Variants in COL2A1 observed in about 807,000 individuals in gnomAD.
COL2A1 encodes the protein collagen alpha-1(II) chain.
COL2A1 carries 28 observed loss-of-function variants against 204.5 expected under a neutral mutation model. The observed-to-expected ratio is 0.14, with a 90% CI of 0.10 to 0.19. COL2A1 has a LOEUF of 0.19. COL2A1 is among the 10% of genes least tolerant of loss of function. The probability of loss-of-function intolerance (pLI) is 1.00; values close to 1 mark genes in which losing one functional copy is unlikely to be tolerated. For missense variants in COL2A1, 1,388 were observed against 2,027.5 expected, an observed-to-expected ratio of 0.68 and a Z score of 6.06; for synonymous variants, 708 against 718.7, an observed-to-expected ratio of 0.99 and a Z score of 0.24.
chr12:47,974,549 T>G, intron 52 of COL2A1, 126 bp downstream of exon 52: 2 of 1,286,658 alleles, frequency 1.6e-6, no homozygotes, highest in South Asian at 2.4e-5. Flanking sequence ...CCTCTTTCCC[T>G]CCTCTCAAGC....
chr12:47,979,955 T>TG (rs1938951377), intron 40 of COL2A1, 54 bp downstream of exon 40: 1 of 1,484,552 alleles, frequency 6.7e-7, no homozygotes, highest in Admixed American at 2.0e-5. Context: ...TGGGAGCCTC[T>TG]GGGGCCAGGC....
intron 53 of COL2A1, 149 bp from the exon 54 acceptor site, chr12:47,973,702 G>T: frequency 1.1e-6 from 1 of 922,676 alleles, no homozygotes. Context: ...CCTCTTCTTG[G>T]CTTGCCAAAG....
In COL2A1 at chr12:47,976,721, G is replaced by A. The variant is rs752309846; in HGVS notation, c.3435+91C>T. 7.2e-7 allele frequency: 1 copy of A among 1,392,326 alleles called. No individual in the cohort carries two copies. Among genetic ancestry groups the A allele is most frequent in the Non-Finnish European group, 1.0e-6 (1 of 993,554 alleles). 86.2% of individuals were successfully genotyped at this position (1,392,326 alleles called of 1,614,324 possible). ...GGAAATCCTAGAAACTGCTTAGGGT[G>A]ATCCCAAGCTGTCCTGGCAGCACAG... On this transcript the variant is annotated intron_variant, in intron 48 of 53. Coordinates refer to ENST00000380518, the MANE Select transcript of COL2A1 (RefSeq NM_001844.5). The surrounding 1 kb of genome is among the most constrained non-coding windows in gnomAD (Gnocchi z 4.3).
At chr12:47,977,572 A>G in intron 45 of COL2A1, 28 bp downstream of exon 45, 1 of 1,613,362 alleles carries the variant, frequency 6.2e-7, no homozygotes, top group Non-Finnish European at 8.5e-7. Flanking sequence ...TCCCCAACCC[A>G]CTGCACACAC....
In COL2A1 at chr12:47,982,108, C is replaced by T. The variant is rs759073173; in HGVS notation, c.2354G>A (p.Arg785Gln). 4.3e-6 allele frequency: 7 copies of T among 1,613,862 alleles called. No homozygotes were observed. In the East Asian group the frequency reaches 6.7e-5, roughly 15 times the overall value. Residue 785 changes from arginine (R) to glutamine (Q), a missense_variant and splice_region_variant, in exon 35 of 54, where the codon CGA becomes CAA. Arg to Gln is a conservative substitution (Grantham distance 43). Transcript: ENST00000380518. Reference sequence around the variant, plus strand: ...GTCCAGCAGCCCGCATTCACTTACTCGTCCACCATCCTTTCCAGGGGCTCC... The same window carrying T: ...GTCCAGCAGCCCGCATTCACTTACTTGTCCACCATCCTTTCCAGGGGCTCC... ...PEGAPGKDGG[R>Q]GLTGPIGPPG...
rs781062223 is a variant in COL2A1 at position 47,982,544 on chromosome 12, G to A, written c.2259C>T (p.Gly753=). Residue 753 remains glycine (G), a synonymous_variant, in exon 34 of 54, where the codon GGC becomes GGT. Coordinates refer to ENST00000380518, the MANE Select transcript of COL2A1 (RefSeq NM_001844.5). Reference sequence around the variant, plus strand: ...CAGCGATACCAGCTGCTCCCCTCTCGCCAGGCATTCCCTGAAGACCTGGAG... The same window carrying A: ...CAGCGATACCAGCTGCTCCCCTCTCACCAGGCATTCCCTGAAGACCTGGAG... ...QGPPGLQGMP[G]ERGAAGIAGP... is the part of the protein sequence containing the mutation. 89 of 1,613,754 alleles carry A rather than the reference G, an allele frequency of 5.5e-5. No individual in the cohort carries two copies. Among genetic ancestry groups the A allele is most frequent in the Non-Finnish European group, 6.9e-5 (82 of 1,179,944 alleles).
Position 47,997,859 on chromosome 12 carries a change from C to T in COL2A1, c.429+12G>A. 1.2e-6 allele frequency: 2 copies of T among 1,614,108 alleles called. No individual in the cohort carries two copies. Among genetic ancestry groups the T allele is most frequent in the Non-Finnish European group, 1.7e-6 (2 of 1,180,028 alleles). The stretch of plus-strand genomic sequence containing the variant: ...AGTCCACCAGGGTCAAGCAGCATTG[C>T]TTTTTACTCACTTTTTCACCTTTGT... On this transcript the variant is annotated intron_variant, in intron 6 of 53. Coordinates refer to ENST00000380518, the MANE Select transcript of COL2A1 (RefSeq NM_001844.5).
intron 50 of COL2A1, 147 bp downstream of exon 50, chr12:47,975,816 G>T: frequency 1.2e-6 from 1 of 824,718 alleles, no homozygotes; most frequent in African/African-American, 1.7e-5. Flanking sequence ...CATGGGCCCT[G>T]TGACCTCTGA....
chr12:47,979,888 T>C, intron 40 of COL2A1, 121 bp downstream of exon 40: 1 of 926,494 alleles, frequency 1.1e-6, no homozygotes, highest in Admixed American at 2.5e-5. Context: ...GGGCTTAGGC[T>C]GGGGACCAAC....
Position 47,976,019 on chromosome 12 carries a change from G to C in COL2A1, c.3541C>G (p.Pro1181Ala). 6.2e-7 allele frequency: 1 copy of C among 1,614,128 alleles called. No individual in the cohort carries two copies. Among genetic ancestry groups the C allele is most frequent in the Non-Finnish European group, 8.5e-7 (1 of 1,180,004 alleles). ...PSGKDGANGI[P>A]GPIGPPGPRG... is the part of the protein sequence containing the mutation. ...GGACCAGGAGGCCCAATGGGGCCAGGGATTCCATTAGCACCATCTTTGCCA... is the reference window on the plus strand; with the variant it reads ...GGACCAGGAGGCCCAATGGGGCCAGCGATTCCATTAGCACCATCTTTGCCA... The change falls in exon 50 of 54, where the codon CCT becomes GCT. Residue 1181 changes from proline (P) to alanine (A), a missense_variant. Transcript: ENST00000380518. The surrounding 1 kb of genome is among the most constrained non-coding windows in gnomAD (Gnocchi z 4.3).
At chr12:47,986,935 C>A in intron 21 of COL2A1, 47 bp from the exon 22 acceptor site, 1 of 1,610,718 alleles carries the variant, frequency 6.2e-7, no homozygotes, top group Non-Finnish European at 8.5e-7. Context: ...TCCAGGGAGC[C>A]TGCCCCTCCC....
Position 47,976,672 on chromosome 12 carries a change from A to G in COL2A1, c.3436-105T>C. 7.2e-7 allele frequency: 1 copy of G among 1,390,414 alleles called. No homozygotes were observed. Among genetic ancestry groups the G allele is most frequent in the Non-Finnish European group, 1.0e-6 (1 of 987,900 alleles). The allele number at this position is 1,390,414 out of a possible 1,614,324, so 86.1% of individuals were successfully genotyped here. ...TATGTCCCAGCCCCATTCCCTTTCC[A>G]CTTCCTCCTCCCTCCAGCCCTGAGG... On this transcript the variant is annotated intron_variant, in intron 48 of 53. Coordinates refer to ENST00000380518, the MANE Select transcript of COL2A1 (RefSeq NM_001844.5). The surrounding 1 kb of genome is among the most constrained non-coding windows in gnomAD (Gnocchi z 4.3).
chr12:48,001,703 G>C (rs1940243427), intron 1 of COL2A1, among the ~76,000 whole-genome samples: 1 of 152,170 alleles, frequency 6.6e-6, no homozygotes, highest in Non-Finnish European at 1.5e-5. Context: ...CTCTGGACAC[G>C]GCTCGCTCAC....
At chr12:47,997,836 T>A in intron 6 of COL2A1, 35 bp downstream of exon 6, 1 of 1,613,672 alleles carries the variant, frequency 6.2e-7, no homozygotes, top group Non-Finnish European at 8.5e-7. Flanking sequence ...ACCTGGGAAG[T>A]CCACCAGGGT....
At chr12:47,985,500 C>T in intron 26 of COL2A1, 34 bp downstream of exon 26, 3 of 1,606,090 alleles carry the variant, frequency 1.9e-6, no homozygotes, top group Non-Finnish European at 2.6e-6. Context: ...GAGATCCCCC[C>T]ACCCTCCTAG....
chr12:47,990,618 G>T (rs779653896), intron 16 of COL2A1, among the ~76,000 whole-genome samples: 8 of 152,198 alleles, frequency 5.3e-5, no homozygotes, highest in Non-Finnish European at 1.0e-4. Flanking sequence ...ATGCCCATAG[G>T]ATGTCTACCA....
At position 47,993,511 on chromosome 12, in the gene COL2A1, A is replaced by G. The variant is rs759783146; in HGVS notation, c.925-9T>C. ...GGGGAACCACTCTCACCCTGGAAAAATGATGCACAAGGTCAGTGTCTGGGA... is the reference window on the plus strand; with the variant it reads ...GGGGAACCACTCTCACCCTGGAAAAGTGATGCACAAGGTCAGTGTCTGGGA... On this transcript the variant is annotated splice_polypyrimidine_tract_variant and intron_variant, in intron 14 of 53. Coordinates refer to ENST00000380518, the MANE Select transcript of COL2A1 (RefSeq NM_001844.5). 5 of 1,613,302 alleles carry G rather than the reference A, an allele frequency of 3.1e-6. No individual in the cohort carries two copies. Among genetic ancestry groups the G allele is most frequent in the Non-Finnish European group, 4.2e-6 (5 of 1,179,286 alleles).
At chr12:48,004,049 A>C (rs1256575452) in intron 1 of COL2A1, 188 bp downstream of exon 1, 1 of 612,044 alleles carries the variant, frequency 1.6e-6, no homozygotes, top group Non-Finnish European at 3.0e-6. Context: ...ACCCTGGGAC[A>C]GAGTCCTTGA....
intron 2 of COL2A1, chr12:47,999,650 TTTTG>T (rs1940136808): frequency 3.0e-5 from 6 of 197,006 alleles, no homozygotes; most frequent in South Asian, 1.5e-4. Context: ...TTTTTTTTTT[TTTTG>T]TAGAATCACA....
Sources: gnomAD v4.1 joint callset for allele counts (sites outside exome capture counted in the v4.1 genomes callset) on GRCh38, gnomAD v4.1.1 for gene constraint, Gnocchi (gnomAD v3.1) non-coding constraint, MANE v1.5 for transcripts, NCBI Gene and HGNC (gene_info 2026-07-23, HGNC 2026-07-21) for gene names.